The following DENND2C variants were observed in gnomAD, a reference collection of about 807,000 sequenced individuals.
The protein encoded by DENND2C is DENN domain-containing protein 2C.
A neutral mutation model predicts 112.4 loss-of-function variants in DENND2C; 72 were observed. The ratio of observed to expected loss-of-function variants is 0.64; its 90% CI spans 0.53 to 0.78. The LOEUF is 0.78. Among genes scored for constraint, DENND2C ranks in the 30% least tolerant of loss-of-function variants. The pLI, the probability that DENND2C is intolerant of heterozygous loss-of-function variation, is 0.00. For missense variants in DENND2C, 992 were observed against 1,113.8 expected (o/e 0.89, Z 1.56); for synonymous variants, 329 against 381.6 (o/e 0.86, Z 1.61).
intron 1 of DENND2C, among the ~76,000 whole-genome samples, chr1:114,661,490 C>T (rs1261320062): frequency 6.6e-6 from 1 of 152,124 alleles, no homozygotes; most frequent in East Asian, 1.9e-4. Context: ...AACTTTATCT[C>T]TTTTTCTTTC....
intron 11 of DENND2C, among the ~76,000 whole-genome samples, chr1:114,603,219 C>A (rs1337606131): frequency 6.6e-6 from 1 of 151,888 alleles, no homozygotes; most frequent in Non-Finnish European, 1.5e-5. Flanking sequence ...CTGCTCACTG[C>A]AACCTCCGCC....
intron 11 of DENND2C, 42 bp downstream of exon 11, chr1:114,604,880 G>T: frequency 5.2e-6 from 7 of 1,356,590 alleles, no homozygotes; most frequent in Non-Finnish European, 7.4e-6. Context: ...ATTTATTTTT[G>T]CAGGTCTAAT....
At chr1:114,637,052 C>G (rs1478634550) in intron 3 of DENND2C, among the ~76,000 whole-genome samples, 1 of 151,306 alleles carries the variant, frequency 6.6e-6, no homozygotes. Context: ...CGAGACCAGC[C>G]TGGGCAATAT....
chr1:114,584,028 A>G lies in DENND2C; in HGVS notation c.*1572T>C, dbSNP rs1343880352. The stretch of plus-strand genomic sequence containing the variant: ...ATTTCAACATTTCTAGGGGAATAAA[A>G]AGAGTCTCATCTAGGCACCTATAAA... On this transcript the variant is annotated 3_prime_UTR_variant, in exon 21 of 21. Transcript: ENST00000393274. The G allele has an allele frequency of 6.6e-6, 1 of 152,136 alleles. No homozygotes were observed. The highest frequency in any genetic ancestry group is 1.5e-5 in the Non-Finnish European group (1 of 68,030). The allele number at this position is 152,136 out of a possible 1,614,324, so 9.4% of individuals were successfully genotyped here.
At chr1:114,608,169 C>A (rs1200014722) in intron 10 of DENND2C, among the ~76,000 whole-genome samples, 1 of 151,870 alleles carries the variant, frequency 6.6e-6, no homozygotes, top group African/African-American at 2.4e-5. Context: ...CCCAGCTACT[C>A]AAGAGGCTTG....
chr1:114,669,910 G>A (rs945866183), intron 1 of DENND2C, 73 bp downstream of exon 1: 1 of 152,562 alleles, frequency 6.6e-6, no homozygotes, highest in Non-Finnish European at 1.5e-5. Flanking sequence ...GCCCAGAAGG[G>A]TGATGCCGAC....
At chr1:114,635,414 G>T (rs1656627781) in intron 3 of DENND2C, among the ~76,000 whole-genome samples, 1 of 152,086 alleles carries the variant, frequency 6.6e-6, no homozygotes, top group Admixed American at 6.6e-5. Context: ...TTAGTAAATT[G>T]ACAGATCTCT....
intron 3 of DENND2C, among the ~76,000 whole-genome samples, chr1:114,637,609 C>T (rs781322718): frequency 2.0e-5 from 3 of 150,692 alleles, no homozygotes; most frequent in Middle Eastern, 3.4e-3. Context: ...CTCAACCTCT[C>T]GGGTTCAAGC....
chr1:114,644,811 C>CT (rs1430810496), intron 3 of DENND2C, among the ~76,000 whole-genome samples: 1 of 152,048 alleles, frequency 6.6e-6, no homozygotes, highest in Non-Finnish European at 1.5e-5. Context: ...AACATACTAC[C>CT]TTCAGGATAG....
chr1:114,653,536 T>C (rs964232168), intron 2 of DENND2C, among the ~76,000 whole-genome samples: 2 of 152,210 alleles, frequency 1.3e-5, no homozygotes, highest in African/African-American at 4.8e-5. Context: ...TAAATTACGG[T>C]GGTTATGCAA....
intron 3 of DENND2C, among the ~76,000 whole-genome samples, chr1:114,627,582 CAAAAAAAAAA>C (rs5777200): frequency 1.5e-4 from 22 of 144,116 alleles, no homozygotes; most frequent in South Asian, 4.3e-4. Context: ...TAGTCTGACG[CAAAAAAAAAA>C]AAAAAAAAAA....
rs559572087 is a variant in DENND2C at position 114,633,164 on chromosome 1, T to A, written c.-204-6976A>T. ...AATGGAACTGAATTAAAAATCACTTTATGCCGGCGCGGTGGCTCACGCCTG... is the reference window on the plus strand; with the variant it reads ...AATGGAACTGAATTAAAAATCACTTAATGCCGGCGCGGTGGCTCACGCCTG... On this transcript the variant is annotated intron_variant, in intron 3 of 20. Coordinates refer to ENST00000393274, the MANE Select transcript of DENND2C (RefSeq NM_001256404.2). Among the ~76,000 whole-genome samples the A allele has an allele frequency of 2.6e-5, 4 of 152,152 alleles. No homozygotes were observed. The South Asian group carries it at 8.3e-4, about 32-fold the overall frequency.
chr1:114,623,987 C>T (rs527678101), intron 4 of DENND2C, among the ~76,000 whole-genome samples: 14 of 152,288 alleles, frequency 9.2e-5, no homozygotes, highest in South Asian at 6.2e-4. Context: ...CTGCCTGCCT[C>T]GGCCTCCCAA....
At chr1:114,642,677 A>G (rs1196708302) in intron 3 of DENND2C, among the ~76,000 whole-genome samples, 1 of 152,252 alleles carries the variant, frequency 6.6e-6, no homozygotes, top group South Asian at 2.1e-4. Flanking sequence ...CTCATTTTAC[A>G]GATAAGGCAA....
intron 6 of DENND2C, among the ~76,000 whole-genome samples, 183 bp downstream of exon 6, chr1:114,622,804 A>C (rs78541550): frequency 7.4e-6 from 1 of 134,798 alleles, no homozygotes; most frequent in Non-Finnish European, 1.6e-5. Context: ...AACAACAACC[A>C]AAAAAAAAAA....
intron 1 of DENND2C, among the ~76,000 whole-genome samples, chr1:114,667,050 T>G (rs1285002645): frequency 1.3e-5 from 2 of 152,184 alleles, no homozygotes. Flanking sequence ...TTCAGTACAA[T>G]GGACTACAAC....
chr1:114,625,710 T>C lies in DENND2C; in HGVS notation c.275A>G (p.Gln92Arg), dbSNP rs200540050. The change falls in exon 4 of 21, where the codon CAA becomes CGA. Residue 92 changes from glutamine (Q) to arginine (R), a missense_variant. Physicochemically the swap from Gln to Arg is conservative, Grantham distance 43. Around this residue, in one of 3 missense-constraint regions of DENND2C, gnomAD observed 470 missense variants for 472.7 expected, o/e 0.99. Coordinates refer to ENST00000393274, the MANE Select transcript of DENND2C (RefSeq NM_001256404.2). ...DINENTKSHDQSENENKKHEY... is the reference protein window; with the variant it reads ...DINENTKSHDRSENENKKHEY... ...ATGTTTCTTATTTTCATTCTCACTT[T>C]GATCATGGCTTTTGGTATTTTCATT... The C allele has an allele frequency of 6.2e-7, 1 of 1,614,116 alleles. No individual in the cohort carries two copies. The highest frequency in any genetic ancestry group is 1.7e-5 in the Admixed American group (1 of 60,014).
At chr1:114,663,085 T>G (rs991334980) in intron 1 of DENND2C, among the ~76,000 whole-genome samples, 1 of 152,224 alleles carries the variant, frequency 6.6e-6, no homozygotes, top group Non-Finnish European at 1.5e-5. Flanking sequence ...CATCATCTAC[T>G]TAATCCTTCA....
chr1:114,618,701 A>C (rs1173096267), intron 7 of DENND2C, among the ~76,000 whole-genome samples: 1 of 152,256 alleles, frequency 6.6e-6, no homozygotes. Flanking sequence ...AAAGCAGGAA[A>C]GGATATTGGA....
Sources: allele counts gnomAD v4.1 joint callset (sites outside exome capture counted in the v4.1 genomes callset), GRCh38; gene constraint gnomAD v4.1.1; regional missense constraint gnomAD v4.1.1; transcripts MANE v1.5; gene names NCBI Gene and HGNC (gene_info 2026-07-23, HGNC 2026-07-21).